AGBL1: variants seen among roughly 807,000 people sequenced by gnomAD.
The protein encoded by AGBL1 is AGBL carboxypeptidase 1, also known as cytosolic carboxypeptidase 4.
Under a neutral mutation model 118.9 loss-of-function variants are expected in AGBL1, and 130 were observed. The ratio of observed to expected loss-of-function variants is 1.09; its 90% CI spans 0.95 to 1.26. AGBL1 has a LOEUF of 1.26. AGBL1 is among the 50% of genes most tolerant of loss of function. AGBL1 has a pLI of 0.00. For missense variants in AGBL1, 1,584 were observed against 1,298.1 expected (o/e 1.22, Z -3.38); for synonymous variants, 555 against 478.9 (o/e 1.16, Z -2.08).
At chr15:86,275,458 C>G (rs894335060) in intron 15 of AGBL1, among the ~76,000 whole-genome samples, 1 of 152,212 alleles carries the variant, frequency 6.6e-6, no homozygotes, top group Non-Finnish European at 1.5e-5. Context: ...CCTTGTTAAA[C>G]AGAGCCATTG....
At chr15:86,101,294 A>G (rs1896698393) in intron 1 of AGBL1, among the ~76,000 whole-genome samples, 1 of 152,120 alleles carries the variant, frequency 6.6e-6, no homozygotes, top group Non-Finnish European at 1.5e-5. Flanking sequence ...TATCCTGGAG[A>G]ATGGTTCATG....
chr15:86,247,460 T>C (rs77624581), intron 6 of AGBL1, among the ~76,000 whole-genome samples: 1,575 of 152,316 alleles, frequency 0.01, 34 homozygotes, highest in African/African-American at 0.033. Context: ...TCTCAGTGTA[T>C]CATATCGGGT....
At chr15:86,435,995 A>T (rs2081995986) in intron 18 of AGBL1, among the ~76,000 whole-genome samples, 1 of 152,130 alleles carries the variant, frequency 6.6e-6, no homozygotes, top group Admixed American at 6.5e-5. Context: ...TCATTAGTCC[A>T]AGGAATATTT....
intron 22 of AGBL1, among the ~76,000 whole-genome samples, chr15:86,853,703 G>C (rs1343240332): frequency 6.6e-6 from 1 of 152,138 alleles, no homozygotes; most frequent in Non-Finnish European, 1.5e-5. Context: ...TTACCGACTT[G>C]TGCAGCCATC....
chr15:86,214,857 A>T (rs1448834724), intron 5 of AGBL1, among the ~76,000 whole-genome samples: 2 of 151,744 alleles, frequency 1.3e-5, no homozygotes, highest in African/African-American at 4.8e-5. Flanking sequence ...CCTCTGTCAC[A>T]CTCCCTGCTG....
intron 6 of AGBL1, among the ~76,000 whole-genome samples, chr15:86,243,968 C>T (rs902665317): frequency 4.0e-5 from 6 of 151,286 alleles, no homozygotes; most frequent in South Asian, 2.1e-4. Context: ...TACAGTGAGC[C>T]GAGATCATGC....
intron 6 of AGBL1, among the ~76,000 whole-genome samples, chr15:86,239,094 G>A (rs1012163444): frequency 2.6e-5 from 4 of 152,176 alleles, no homozygotes; most frequent in Admixed American, 2.6e-4. Context: ...TTTGGGACTA[G>A]TTCTGTGGCA....
chr15:86,883,412 T>G (rs1478892566), intron 22 of AGBL1, among the ~76,000 whole-genome samples: 1 of 152,226 alleles, frequency 6.6e-6, no homozygotes, highest in African/African-American at 2.4e-5. Flanking sequence ...TGGTCTCCCA[T>G]AATGCAGGAT....
chr15:86,749,606 C>T (rs914946795), intron 22 of AGBL1, among the ~76,000 whole-genome samples: 6 of 152,150 alleles, frequency 3.9e-5, no homozygotes, highest in Non-Finnish European at 8.8e-5. Flanking sequence ...AAAGGGAATG[C>T]TTCCAGTTTT....
intron 18 of AGBL1, among the ~76,000 whole-genome samples, chr15:86,464,687 A>C (rs2082378156): frequency 6.6e-6 from 1 of 152,134 alleles, no homozygotes; most frequent in South Asian, 2.1e-4. Context: ...TTTTGCATCT[A>C]TTGAGATAAT....
chr15:86,587,124 A>C (rs1022074273), intron 21 of AGBL1, among the ~76,000 whole-genome samples: 1 of 152,120 alleles, frequency 6.6e-6, no homozygotes, highest in African/African-American at 2.4e-5. Flanking sequence ...CCCTGAGCAC[A>C]CTGCAGTCAT....
intron 1 of AGBL1, among the ~76,000 whole-genome samples, chr15:86,131,059 T>C (rs1215315617): frequency 6.6e-6 from 1 of 152,200 alleles, no homozygotes; most frequent in Non-Finnish European, 1.5e-5. Flanking sequence ...TCTTTCCGTA[T>C]GGCAAGACCC....
chr15:86,089,036 A>G (rs959259407), intron 1 of AGBL1, among the ~76,000 whole-genome samples: 18 of 152,252 alleles, frequency 1.2e-4, no homozygotes, highest in African/African-American at 4.3e-4. Context: ...TGCATAGTAT[A>G]TTAATAAGTT....
At chr15:86,735,371 G>A (rs1398965393) in intron 22 of AGBL1, among the ~76,000 whole-genome samples, 7 of 151,950 alleles carry the variant, frequency 4.6e-5, no homozygotes, top group African/African-American at 1.7e-4. Context: ...ATGAGGCATG[G>A]CACCCAGCTG....
intron 22 of AGBL1, among the ~76,000 whole-genome samples, chr15:86,840,024 C>T (rs2079223298): frequency 1.3e-5 from 2 of 152,108 alleles, no homozygotes; most frequent in African/African-American, 4.8e-5. Context: ...AATAATTTTC[C>T]TCAGTTACAT....
At chr15:86,200,554 C>CA (rs1478439892) in intron 5 of AGBL1, among the ~76,000 whole-genome samples, 1 of 107,260 alleles carries the variant, frequency 9.3e-6, no homozygotes. Context: ...ACCCCTACCC[C>CA]CCCCCCCCTT....
intron 9 of AGBL1, among the ~76,000 whole-genome samples, chr15:86,262,093 T>TTCTTTTTTTTTTTTTC (rs1032421048): frequency 6.9e-6 from 1 of 145,050 alleles, no homozygotes; most frequent in Non-Finnish European, 1.5e-5. Context: ...TTTTTTTTTT[T>TTCTTTTTTTTTTTTTC]TGCCATTTAG....
intron 22 of AGBL1, among the ~76,000 whole-genome samples, chr15:86,735,802 C>T (rs2141224785): frequency 6.6e-6 from 1 of 152,230 alleles, no homozygotes; most frequent in African/African-American, 2.4e-5. Flanking sequence ...ATAGGCGTGA[C>T]TCATGGCCTG....
chr15:86,426,564 T>C (rs960437670), intron 18 of AGBL1, among the ~76,000 whole-genome samples: 18 of 152,314 alleles, frequency 1.2e-4, no homozygotes, highest in African/African-American at 4.3e-4. Context: ...GGCCAACAAC[T>C]GAAGCCTCAA....
Sources: allele counts gnomAD v4.1 joint callset (sites outside exome capture counted in the v4.1 genomes callset), GRCh38; gene constraint gnomAD v4.1.1; transcripts MANE v1.5; gene names NCBI Gene and HGNC (gene_info 2026-07-23, HGNC 2026-07-21).